Variants in HCFC2 observed in about 807,000 individuals in gnomAD.
HCFC2 encodes the protein host cell factor C2, also known as host cell factor 2.
Under a neutral mutation model 89.2 loss-of-function variants are expected in HCFC2, and 18 were observed. The observed-to-expected ratio is 0.20, with a 90% CI of 0.14 to 0.30. The LOEUF (loss-of-function observed/expected upper bound fraction) is 0.30, where lower values mean the gene tolerates loss of function less well. Among genes scored for constraint, HCFC2 ranks in the 10% least tolerant of loss-of-function variants. The pLI, the probability that HCFC2 is intolerant of heterozygous loss-of-function variation, is 1.00. For missense variants in HCFC2, 578 were observed against 956.1 expected (o/e 0.60, Z 5.21); for synonymous variants, 308 against 335.7 (o/e 0.92, Z 0.90).
At chr12:104,097,474 G>A (rs921940099) in intron 12 of HCFC2, 1 of 157,118 alleles carries the variant, frequency 6.4e-6, no homozygotes. Context: ...TTTATAGAAT[G>A]AAAACAAGTT....
In HCFC2 at chr12:104,104,326, A is replaced by G. The variant is rs1005906203; in HGVS notation, c.*1053A>G. 6.6e-6 allele frequency: 1 copy of G among 152,044 alleles called. No individual in the cohort carries two copies. The highest frequency in any genetic ancestry group is 2.4e-5 in the African/African-American group (1 of 41,438). The allele number at this position is 152,044 out of a possible 1,614,324, so 9.4% of individuals were successfully genotyped here. On this transcript the variant is annotated 3_prime_UTR_variant, in exon 15 of 15. Transcript: ENST00000229330. ...ACTTTTTTACTATGAAAATATAAGC[A>G]TTAGACAGCTAACTCAGGTTCCATT...
chr12:104,080,905 C>G, intron 5 of HCFC2, 75 bp downstream of exon 5: 1 of 863,384 alleles, frequency 1.2e-6, no homozygotes, highest in South Asian at 1.6e-5. Flanking sequence ...GAAAGTAATG[C>G]TAGTAGTTTC....
At chr12:104,092,174 T>C (rs1044837511) in intron 9 of HCFC2, among the ~76,000 whole-genome samples, 1 of 152,216 alleles carries the variant, frequency 6.6e-6, no homozygotes, top group African/African-American at 2.4e-5. Flanking sequence ...ATCAAAAGAT[T>C]TTAAATGTGG....
rs1220091288 is a variant in HCFC2 at position 104,105,433 on chromosome 12, G to C, written c.*2160G>C. The C allele has an allele frequency of 6.6e-6, 1 of 151,978 alleles. No homozygotes were observed. Among genetic ancestry groups the C allele is most frequent in the Non-Finnish European group, 1.5e-5 (1 of 67,900 alleles). 9.4% of individuals were successfully genotyped at this position (151,978 alleles called of 1,614,324 possible). A position where few individuals can be genotyped will look rare whatever the true frequency, so the allele number is the denominator to read the frequency against. ...CCTGTTTAGTATTTGATTCAGTTAA[G>C]CCTCCACTCTTCTGGATCAGGAGGT... On this transcript the variant is annotated 3_prime_UTR_variant, in exon 15 of 15. Coordinates refer to ENST00000229330, the MANE Select transcript of HCFC2 (RefSeq NM_013320.3).
At chr12:104,066,698 C>T (rs535448613) in intron 2 of HCFC2, among the ~76,000 whole-genome samples, 1 of 152,292 alleles carries the variant, frequency 6.6e-6, no homozygotes, top group African/African-American at 2.4e-5. Flanking sequence ...CCTGTGAAAA[C>T]ACAGATTGCT....
intron 7 of HCFC2, among the ~76,000 whole-genome samples, chr12:104,085,068 A>G (rs1468215523): frequency 1.3e-5 from 2 of 152,234 alleles, no homozygotes; most frequent in Non-Finnish European, 2.9e-5. Flanking sequence ...GTGATGTTAT[A>G]TGAGAAAAAC....
chr12:104,102,087 A>G lies in HCFC2; in HGVS notation c.1998A>G (p.Lys666=). 1 of 1,614,016 alleles carries G rather than the reference A, an allele frequency of 6.2e-7. No homozygotes were observed. Among genetic ancestry groups the G allele is most frequent in the Admixed American group, 1.7e-5 (1 of 60,022 alleles). The stretch of plus-strand genomic sequence containing the variant: ...GTTGTGGGATAGGTCCTTTCAGCAA[A>G]ATCAGTGAATTTAAAACTTGTATTC... ...INGCGIGPFS[K]ISEFKTCIPG... The change falls in exon 14 of 15, where the codon AAA becomes AAG. Residue 666 remains lysine, a synonymous_variant. Transcript: ENST00000229330.
At position 104,101,951 on chromosome 12, in the gene HCFC2, C is replaced by T; in HGVS notation, c.1879-17C>T. The stretch of plus-strand genomic sequence containing the variant: ...AGTTGTACCTTTTCTTTGACTTTTG[C>T]ATATACTACATTTTAGGTAGGAAAT... On this transcript the variant is annotated splice_polypyrimidine_tract_variant and intron_variant, in intron 13 of 14. Transcript: ENST00000229330. 6.5e-7 allele frequency: 1 copy of T among 1,528,758 alleles called. No homozygotes were observed. Among genetic ancestry groups the T allele is most frequent in the Non-Finnish European group, 8.9e-7 (1 of 1,128,904 alleles). The allele number at this position is 1,528,758 out of a possible 1,614,324, so 94.7% of individuals were successfully genotyped here.
intron 12 of HCFC2, 93 bp from the exon 13 acceptor site, chr12:104,098,250 C>T: frequency 4.3e-6 from 4 of 922,764 alleles, no homozygotes; most frequent in South Asian, 1.9e-5. Context: ...ATCCAAATAC[C>T]TACTTGTAGA....
chr12:104,069,606 C>G (rs1883257356), intron 3 of HCFC2, among the ~76,000 whole-genome samples: 1 of 149,876 alleles, frequency 6.7e-6, no homozygotes, highest in African/African-American at 2.4e-5. Flanking sequence ...ACCATAATGT[C>G]CTGCTGCTCC....
intron 4 of HCFC2, 94 bp from the exon 5 acceptor site, chr12:104,080,652 T>C (rs1356021807): frequency 2.9e-6 from 2 of 680,126 alleles, no homozygotes; most frequent in African/African-American, 1.9e-5. Flanking sequence ...TGTTTCATTT[T>C]GGTAAGTCCT....
Position 104,103,436 on chromosome 12 carries a change from T to C in HCFC2, c.*163T>C, listed in dbSNP as rs963676235. ...GTATTTGCTGAATTATAGATCCAAATAAAAGAAAAGAAGCAAAGACTCTCT... is the reference window on the plus strand; with the variant it reads ...GTATTTGCTGAATTATAGATCCAAACAAAAGAAAAGAAGCAAAGACTCTCT... On this transcript the variant is annotated 3_prime_UTR_variant, in exon 15 of 15. Transcript: ENST00000229330. 1.8e-5 allele frequency: 11 copies of C among 612,408 alleles called. No homozygotes were observed. The Admixed American group carries it at 1.9e-4, about 11-fold the overall frequency. 37.9% of individuals were successfully genotyped at this position (612,408 alleles called of 1,614,324 possible).
chr12:104,096,313 T>A (rs772091851), intron 11 of HCFC2, 47 bp from the exon 12 acceptor site: 2 of 1,267,380 alleles, frequency 1.6e-6, no homozygotes, highest in Non-Finnish European at 2.2e-6. Flanking sequence ...TTTTAATGTA[T>A]CTGATAAGTT....
intron 1 of HCFC2, 94 bp from the exon 2 acceptor site, chr12:104,066,073 T>G (rs1000575728): frequency 1.6e-6 from 2 of 1,253,020 alleles, no homozygotes; most frequent in East Asian, 4.7e-5. Context: ...TCATCCCCAG[T>G]TGAGACCCAC....
At position 104,064,603 on chromosome 12, in the gene HCFC2, T is replaced by C. The variant is rs781068820; in HGVS notation, c.43T>C (p.Phe15Leu). 1 of 1,574,804 alleles carries C rather than the reference T, an allele frequency of 6.3e-7. No homozygotes were observed. Among genetic ancestry groups the C allele is most frequent in the South Asian group, 1.2e-5 (1 of 86,812 alleles). Residue 15 changes from phenylalanine (F) to leucine (L), a missense_variant, in exon 1 of 15, where the codon TTC becomes CTC. Physicochemically the swap from Phe to Leu is conservative, Grantham distance 22. This residue lies in a region of HCFC2 where 22 missense variants were observed against 18.7 expected (regional missense o/e 1.18). Coordinates refer to ENST00000229330, the MANE Select transcript of HCFC2 (RefSeq NM_013320.3). The surrounding 1 kb of genome is among the most constrained non-coding windows in gnomAD (Gnocchi z 7.3). Reference sequence around the variant, plus strand: ...CCTCAACTGGAGGCGAGTTTCTTCCTTCACGGGGCCGGTCCCCCGCGCCCG... The same window carrying C: ...CCTCAACTGGAGGCGAGTTTCTTCCCTCACGGGGCCGGTCCCCCGCGCCCG... ...SLLNWRRVSS[F>L]TGPVPRARHG...
At chr12:104,086,136 T>TA (rs1181288899) in intron 7 of HCFC2, among the ~76,000 whole-genome samples, 1 of 151,980 alleles carries the variant, frequency 6.6e-6, no homozygotes, top group Non-Finnish European at 1.5e-5. Context: ...TACCTGGAAT[T>TA]ACAGGCGCCA....
intron 12 of HCFC2, chr12:104,097,787 C>T: frequency 4.3e-6 from 1 of 231,080 alleles, no homozygotes; most frequent in Non-Finnish European, 7.1e-6. Flanking sequence ...AAATGTAAAA[C>T]TGTTTAATAT....
At chr12:104,093,348 A>C (rs1009480459) in intron 9 of HCFC2, 38 bp from the exon 10 acceptor site, 4 of 1,413,786 alleles carry the variant, frequency 2.8e-6, no homozygotes, top group Non-Finnish European at 3.9e-6. Context: ...ATTTCATTGA[A>C]TATTGCTTAC....
rs371832726 is a variant in HCFC2, at chr12:104,070,030, C to CT, written c.473+1933dup. Among the ~76,000 whole-genome samples the CT allele has an allele frequency of 4.2e-4, 62 of 149,122 alleles. 1 individual carries two copies. Among genetic ancestry groups the CT allele is most frequent in the African/African-American group, 8.8e-4 (36 of 40,734 alleles). On this transcript the variant is annotated intron_variant, in intron 3 of 14. Transcript: ENST00000229330. ...CATGTCCCTGCAAAGGACATGAACT[C>CT]TTTTTTTTTTGAGACAGAATCTCGC...
Sources: gnomAD v4.1 joint callset for allele counts (sites outside exome capture counted in the v4.1 genomes callset) on GRCh38, gnomAD v4.1.1 for gene constraint, gnomAD v4.1.1 regional missense constraint, Gnocchi (gnomAD v3.1) non-coding constraint, MANE v1.5 for transcripts, NCBI Gene and HGNC (gene_info 2026-07-23, HGNC 2026-07-21) for gene names.